NCKAP5: variants seen among roughly 807,000 people sequenced by gnomAD.
NCKAP5 encodes the protein NCK associated protein 5.
A neutral mutation model predicts 167.0 loss-of-function variants in NCKAP5; 92 were observed. The observed-to-expected ratio is 0.55, with a 90% CI of 0.47 to 0.66. The LOEUF (loss-of-function observed/expected upper bound fraction) is 0.66, where lower values mean the gene tolerates loss of function less well. Ranked by LOEUF, NCKAP5 falls within the 30% of genes least tolerant of loss-of-function variation. NCKAP5 has a pLI of 0.00. For synonymous variants in NCKAP5, 891 were observed against 877.4 expected, an observed-to-expected ratio of 1.02 and a Z score of -0.27; for missense variants, 2,378 against 2,315.0, an observed-to-expected ratio of 1.03 and a Z score of -0.56.
the NCKAP5 span, among the ~76,000 whole-genome samples, chr2:133,576,904 T>C: frequency 6.6e-6 from 1 of 152,220 alleles, no homozygotes; most frequent in Non-Finnish European, 1.5e-5. Context: ...GTGATTCATA[T>C]CAGCTTGTCA....
intron 18 of NCKAP5, among the ~76,000 whole-genome samples, chr2:132,726,443 C>T (rs141346090): frequency 1.1e-4 from 16 of 152,276 alleles, no homozygotes; most frequent in Admixed American, 2.0e-4. Flanking sequence ...AGGCGGTTGA[C>T]GCTGTATGAA....
chr2:133,102,989 T>C (rs2081567815), intron 6 of NCKAP5, among the ~76,000 whole-genome samples: 1 of 152,206 alleles, frequency 6.6e-6, no homozygotes, highest in South Asian at 2.1e-4. Flanking sequence ...TCCAAGGATA[T>C]TCCTTTCAGC....
chr2:133,453,001 G>C (rs1403365291), intron 3 of NCKAP5, among the ~76,000 whole-genome samples: 1 of 152,102 alleles, frequency 6.6e-6, no homozygotes, highest in Non-Finnish European at 1.5e-5. Context: ...TAAATTCACT[G>C]TTGAATAAGT....
intron 3 of NCKAP5, among the ~76,000 whole-genome samples, chr2:133,370,804 G>A (rs1685760256): frequency 6.8e-6 from 1 of 146,948 alleles, no homozygotes; most frequent in Non-Finnish European, 1.5e-5. Context: ...TATATCCTAT[G>A]TAAGACTTAA....
Position 133,043,521 on chromosome 2 carries a change from T to TA in NCKAP5, c.342-49283dup, listed in dbSNP as rs555417479. On this transcript the variant is annotated intron_variant, in intron 6 of 19. Transcript: ENST00000409261. ...CTAACACTAATGATAGCTGATGAGC[T>TA]AAAAAAAATTGCAAAAAAAACTCAT... is the stretch of plus-strand genomic sequence containing the variant. Among the ~76,000 whole-genome samples the TA allele has an allele frequency of 1.5e-4, 23 of 151,958 alleles. No homozygotes were observed. The East Asian group carries it at 2.3e-3, about 15-fold the overall frequency.
intron 3 of NCKAP5, among the ~76,000 whole-genome samples, chr2:133,361,598 C>T (rs982706772): frequency 6.6e-6 from 1 of 152,072 alleles, no homozygotes; most frequent in African/African-American, 2.4e-5. Context: ...AGAAAACGGA[C>T]GTGAGCTTAA....
chr2:133,431,642 G>A (rs1363010921), intron 3 of NCKAP5: 1 of 152,252 alleles, frequency 6.6e-6, no homozygotes, highest in African/African-American at 2.4e-5. Context: ...TCTGCTTGAG[G>A]AGTGGCCTTT....
In NCKAP5 at chr2:132,784,865, A is replaced by T. The variant is rs769967882; in HGVS notation, c.1946T>A (p.Phe649Tyr). The change falls in exon 14 of 20, where the codon TTT (phenylalanine) becomes TAT (tyrosine). Residue 649 changes from phenylalanine to tyrosine, a missense_variant. By Grantham distance (22) the Phe-to-Tyr change is conservative (BLOSUM62 3). Transcript: ENST00000409261. ...PIPSETRPKT[F>Y]SFIKQQRVVK... Reference sequence around the variant, plus strand: ...AACTCTTTGCTGCTTAATGAAACTAAAAGTCTTTGGCCTAGTCTCTGAAGG... The same window carrying T: ...AACTCTTTGCTGCTTAATGAAACTATAAGTCTTTGGCCTAGTCTCTGAAGG... The T allele has an allele frequency of 6.4e-7, 1 of 1,560,918 alleles. No individual in the cohort carries two copies. Among genetic ancestry groups the T allele is most frequent in the Non-Finnish European group, 8.7e-7 (1 of 1,154,314 alleles).
intron 8 of NCKAP5, among the ~76,000 whole-genome samples, chr2:132,925,561 C>CAAAAA (rs575777951): frequency 1.9e-5 from 1 of 53,584 alleles, no homozygotes; most frequent in Non-Finnish European, 4.3e-5. Flanking sequence ...GACTCCGTCT[C>CAAAAA]AAAAAAAAAA....
intron 8 of NCKAP5, among the ~76,000 whole-genome samples, chr2:132,957,898 A>C (rs1316196177): frequency 6.6e-6 from 1 of 152,196 alleles, no homozygotes; most frequent in Admixed American, 6.5e-5. Context: ...GTCTATTACC[A>C]TTAGATCATA....
chr2:133,518,744 T>C (rs563922026), intron 2 of NCKAP5, among the ~76,000 whole-genome samples: 1 of 152,302 alleles, frequency 6.6e-6, no homozygotes, highest in South Asian at 2.1e-4. Context: ...CAAAACATGA[T>C]GATAGCAATC....
rs7607544 is a variant in NCKAP5, at chr2:132,782,048, C to T, written c.4763G>A (p.Arg1588Gln). 3.0e-4 allele frequency: 483 copies of T among 1,613,938 alleles called. 1 individual carries two copies. In the African/African-American group the frequency reaches 4.4e-3, roughly 15 times the overall value. ...GTTGTAAATGTCTTGTGGTGTTCTC[C>T]GATTATTTTTGCTTTGTAAACCGCC... ...PDGGLQSKNNRRTPQDIYNQL... is the reference protein window; with the variant it reads ...PDGGLQSKNNQRTPQDIYNQL... The change falls in exon 14 of 20, where the codon CGG (arginine) becomes CAG (glutamine). Residue 1588 changes from arginine (R) to glutamine (Q), a missense_variant. Coordinates refer to ENST00000409261, the MANE Select transcript of NCKAP5 (RefSeq NM_207363.3).
intron 3 of NCKAP5, among the ~76,000 whole-genome samples, chr2:133,410,402 A>C (rs1431641204): frequency 2.0e-5 from 3 of 152,236 alleles, no homozygotes; most frequent in African/African-American, 7.2e-5. Context: ...CAGTTTAAGA[A>C]GCACAGGCTT....
chr2:132,805,422 A>G (rs1685352447), intron 11 of NCKAP5, among the ~76,000 whole-genome samples: 1 of 152,216 alleles, frequency 6.6e-6, no homozygotes, highest in Non-Finnish European at 1.5e-5. Context: ...AGTAAAATGA[A>G]CTGCATAGAA....
intron 19 of NCKAP5, among the ~76,000 whole-genome samples, chr2:132,686,871 T>A (rs1330067602): frequency 6.6e-6 from 1 of 152,176 alleles, no homozygotes; most frequent in African/African-American, 2.4e-5. Flanking sequence ...TCAAAAAAAA[T>A]TTGATTAACA....
chr2:133,617,261 C>T, the NCKAP5 span, among the ~76,000 whole-genome samples: 8 of 152,328 alleles, frequency 5.3e-5, no homozygotes, highest in Middle Eastern at 3.4e-3. Context: ...GATGCCCTCT[C>T]TCTCCACTCC....
At chr2:133,214,264 A>G (rs976353640) in intron 4 of NCKAP5, among the ~76,000 whole-genome samples, 4 of 152,164 alleles carry the variant, frequency 2.6e-5, no homozygotes, top group Admixed American at 2.6e-4. Flanking sequence ...TGGGCAATGC[A>G]CCTGTTCTCA....
At chr2:132,805,925 C>G (rs1685397696) in intron 11 of NCKAP5, among the ~76,000 whole-genome samples, 1 of 152,090 alleles carries the variant, frequency 6.6e-6, no homozygotes, top group South Asian at 2.1e-4. Flanking sequence ...TCCCTCGCCC[C>G]CTTCCCACTC....
At position 133,166,257 on chromosome 2, in the gene NCKAP5, T is replaced by G. The variant is rs528703888; in HGVS notation, c.208-36146A>C. On this transcript the variant is annotated intron_variant, in intron 5 of 19. Transcript: ENST00000409261. Reference sequence around the variant, plus strand: ...AACAATAATCAGTAAAACCATTACTTTAATGTAGCATACTTCATGTGAGTC... The same window carrying G: ...AACAATAATCAGTAAAACCATTACTGTAATGTAGCATACTTCATGTGAGTC... Among the ~76,000 whole-genome samples, 3 of 152,312 alleles carry G rather than the reference T, an allele frequency of 2.0e-5. No homozygotes were observed. In the East Asian group the frequency reaches 5.8e-4, roughly 29 times the overall value.
Sources: allele counts gnomAD v4.1 joint callset (sites outside exome capture counted in the v4.1 genomes callset), GRCh38; gene constraint gnomAD v4.1.1; transcripts MANE v1.5; gene names NCBI Gene and HGNC (gene_info 2026-07-23, HGNC 2026-07-21).